KMT5B: variants seen among roughly 807,000 people sequenced by gnomAD.
The protein encoded by KMT5B is histone-lysine N-methyltransferase KMT5B.
A neutral mutation model predicts 83.2 loss-of-function variants in KMT5B; 10 were observed. The ratio of observed to expected loss-of-function variants is 0.12; its 90% confidence interval spans 0.07 to 0.20. The LOEUF (loss-of-function observed/expected upper bound fraction) is 0.20, where lower values mean the gene tolerates loss of function less well. Ranked by LOEUF, KMT5B falls within the 10% of genes least tolerant of loss-of-function variation. KMT5B has a pLI of 1.00. For synonymous variants in KMT5B, 349 were observed against 388.8 expected, an observed-to-expected ratio of 0.90 and a Z score of 1.20; for missense variants, 753 against 1,067.2, an observed-to-expected ratio of 0.71 and a Z score of 4.10.
intron 2 of KMT5B, among the ~76,000 whole-genome samples, chr11:68,188,026 CTTT>C (rs1168742073): frequency 2.9e-5 from 4 of 139,412 alleles, no homozygotes; most frequent in Non-Finnish European, 6.3e-5. Context: ...TTTCCTTTTT[CTTT>C]TTTTTTTTTT....
rs1420511219 is a variant in KMT5B at position 68,171,405 on chromosome 11, TA to T, written c.820+137del. Reference sequence around the variant, plus strand: ...CAACTAAAGGAATATACATTTATTTTAATAAGTTTGTGGAAACATTTCTATT... The same window carrying T: ...CAACTAAAGGAATATACATTTATTTTATAAGTTTGTGGAAACATTTCTATT... On this transcript the variant is annotated intron_variant, in intron 7 of 10. Transcript: ENST00000304363. The surrounding 1 kb of genome is among the most constrained non-coding windows in gnomAD (Gnocchi z 5.1). The T allele has an allele frequency of 7.9e-7, 1 of 1,270,290 alleles. No individual in the cohort carries two copies. The highest frequency in any genetic ancestry group is 1.5e-5 in the African/African-American group (1 of 65,690). The allele number at this position is 1,270,290 out of a possible 1,614,324, so 78.7% of individuals were successfully genotyped here.
intron 10 of KMT5B, chr11:68,164,696 G>A (rs952052295): frequency 3.9e-6 from 2 of 512,312 alleles, no homozygotes; most frequent in African/African-American, 3.9e-5. Context: ...AAGGGAATTT[G>A]AATAAGCCAA....
chr11:68,177,372 A>G (rs925251213), intron 4 of KMT5B, among the ~76,000 whole-genome samples: 1 of 152,222 alleles, frequency 6.6e-6, no homozygotes, highest in African/African-American at 2.4e-5. Flanking sequence ...AATGAGGGGA[A>G]GTCTAAGCAG....
At chr11:68,168,163 A>G (rs1855499324) in intron 9 of KMT5B, among the ~76,000 whole-genome samples, 1 of 152,148 alleles carries the variant, frequency 6.6e-6, no homozygotes, top group South Asian at 2.1e-4. Flanking sequence ...CCGTCTAAAA[A>G]AATTTTACTT....
chr11:68,211,453 G>C (rs1350977572), intron 1 of KMT5B, among the ~76,000 whole-genome samples: 1 of 152,164 alleles, frequency 6.6e-6, no homozygotes, highest in Admixed American at 6.5e-5. Flanking sequence ...CTCCAGCTCA[G>C]TTTTTAAAAT....
In KMT5B at chr11:68,196,869, G is replaced by A. The variant is rs78118154; in HGVS notation, c.-76-6717C>T. On this transcript the variant is annotated intron_variant, in intron 1 of 10. Coordinates refer to ENST00000304363, the MANE Select transcript of KMT5B (RefSeq NM_017635.5). The stretch of plus-strand genomic sequence containing the variant: ...TAATCATGGAACAATGTACTTTTAG[G>A]CTTCTCAGGAGTCCTAATATACCTC... Among the ~76,000 whole-genome samples the A allele has an allele frequency of 4.3e-3, 655 of 152,240 alleles. 16 individuals are homozygous for A. The East Asian group carries it at 0.06, about 14-fold the overall frequency.
intron 9 of KMT5B, among the ~76,000 whole-genome samples, chr11:68,169,380 C>G (rs1195883448): frequency 6.6e-6 from 1 of 152,128 alleles, no homozygotes; most frequent in Non-Finnish European, 1.5e-5. Flanking sequence ...ATTCATTTAC[C>G]AAATATTTAT....
At chr11:68,163,145 A>G (rs1398356791) in intron 10 of KMT5B, among the ~76,000 whole-genome samples, 1 of 152,188 alleles carries the variant, frequency 6.6e-6, no homozygotes, top group Non-Finnish European at 1.5e-5. Flanking sequence ...CTCTTCCCCT[A>G]GGGGCTGGGA....
chr11:68,200,651 G>C (rs902168107), intron 1 of KMT5B, among the ~76,000 whole-genome samples: 3 of 152,248 alleles, frequency 2.0e-5, no homozygotes, highest in African/African-American at 7.2e-5. Flanking sequence ...AATTTGAGAA[G>C]GCAAGCCTTC....
In KMT5B at chr11:68,158,851, G is replaced by A; in HGVS notation, c.1495C>T (p.Pro499Ser). ...PIKKDKEPEG[P>S]AQAAVASGCL... ...CCGCTGGCAACTGCGGCTTGGGCTGGTCCCTCTGGCTCCTTATCTTTTTTA... is the reference window on the plus strand; with the variant it reads ...CCGCTGGCAACTGCGGCTTGGGCTGATCCCTCTGGCTCCTTATCTTTTTTA... Residue 499 changes from proline (P) to serine (S), a missense_variant, in exon 11 of 11, where the codon CCA becomes TCA. Pro to Ser is a moderately conservative substitution (Grantham distance 74). Transcript: ENST00000304363. 4 of 1,614,118 alleles carry A rather than the reference G, an allele frequency of 2.5e-6. No individual in the cohort carries two copies. The highest frequency in any genetic ancestry group is 3.4e-6 in the Non-Finnish European group (4 of 1,180,032).
At chr11:68,208,944 G>C (rs1860519036) in intron 1 of KMT5B, among the ~76,000 whole-genome samples, 1 of 152,154 alleles carries the variant, frequency 6.6e-6, no homozygotes, top group African/African-American at 2.4e-5. Context: ...AACCCTCCAG[G>C]ACCCTGAATG....
At chr11:68,184,830 T>C (rs1206589899) in intron 3 of KMT5B, among the ~76,000 whole-genome samples, 1 of 152,206 alleles carries the variant, frequency 6.6e-6, no homozygotes, top group Non-Finnish European at 1.5e-5. Context: ...ATGGTCTTTT[T>C]TGAGGGAGAA....
chr11:68,179,822 C>A, intron 4 of KMT5B: 1 of 389,396 alleles, frequency 2.6e-6, no homozygotes, highest in South Asian at 3.2e-5. Flanking sequence ...CTCTTCAGTC[C>A]TTCTTGACCT....
chr11:68,161,584 T>C (rs777506525), intron 10 of KMT5B, among the ~76,000 whole-genome samples: 1 of 152,212 alleles, frequency 6.6e-6, no homozygotes, highest in Non-Finnish European at 1.5e-5. Flanking sequence ...CAGCCTTTGG[T>C]GATCTGACAA....
Position 68,185,939 on chromosome 11 carries a change from C to T in KMT5B, c.161-11G>A, listed in dbSNP as rs748516664. 3.8e-6 allele frequency: 6 copies of T among 1,565,340 alleles called. No individual in the cohort carries two copies. The East Asian group carries it at 9.1e-5, about 24-fold the overall frequency. On this transcript the variant is annotated splice_polypyrimidine_tract_variant and intron_variant, in intron 2 of 10. Coordinates refer to ENST00000304363, the MANE Select transcript of KMT5B (RefSeq NM_017635.5). ...CCGAGTTACCATTACCTGTGAAAAG[C>T]AAAAGCAAGAAAAATTACTCAAATT...
chr11:68,193,109 C>T (rs542567684), intron 1 of KMT5B, among the ~76,000 whole-genome samples: 3 of 152,244 alleles, frequency 2.0e-5, no homozygotes, highest in East Asian at 1.9e-4. Flanking sequence ...AAAGGCCCTA[C>T]GATAAAGGGC....
chr11:68,172,629 T>C (rs139063149), intron 6 of KMT5B, among the ~76,000 whole-genome samples: 301 of 152,254 alleles, frequency 2.0e-3, no homozygotes, highest in Non-Finnish European at 3.5e-3. Context: ...CTGGTGTGTA[T>C]AGCACACTTA....
At chr11:68,165,017 C>T (rs1855190325) in intron 10 of KMT5B, among the ~76,000 whole-genome samples, 1 of 152,216 alleles carries the variant, frequency 6.6e-6, no homozygotes, top group African/African-American at 2.4e-5. Flanking sequence ...GTACACCCAA[C>T]ATCTTCCAAA....
At position 68,157,671 on chromosome 11, in the gene KMT5B, A is replaced by T; in HGVS notation, c.*17T>A. 1 of 1,519,454 alleles carries T rather than the reference A, an allele frequency of 6.6e-7. No individual in the cohort carries two copies. The highest frequency in any genetic ancestry group is 8.8e-7 in the Non-Finnish European group (1 of 1,136,574). The allele number at this position is 1,519,454 out of a possible 1,614,324, so 94.1% of individuals were successfully genotyped here. ...TTCTTTAAAGTAGTTATCCCAGGTC[A>T]AGTTAAGACCAAGAGCTTAGGCATT... is the stretch of plus-strand genomic sequence containing the variant. On this transcript the variant is annotated 3_prime_UTR_variant, in exon 11 of 11. Coordinates refer to ENST00000304363, the MANE Select transcript of KMT5B (RefSeq NM_017635.5).
Sources: gnomAD v4.1 joint callset for allele counts (sites outside exome capture counted in the v4.1 genomes callset) on GRCh38, gnomAD v4.1.1 for gene constraint, Gnocchi (gnomAD v3.1) non-coding constraint, MANE v1.5 for transcripts, NCBI Gene and HGNC (gene_info 2026-07-23, HGNC 2026-07-21) for gene names.